Variants in MACROD1 observed in about 807,000 individuals in gnomAD.
MACROD1 encodes the protein ADP-ribose glycohydrolase MACROD1.
A neutral mutation model predicts 41.4 loss-of-function variants in MACROD1; 31 were observed. The ratio of observed to expected loss-of-function variants is 0.75; its 90% CI spans 0.56 to 1.01. MACROD1 has a LOEUF of 1.01. Among genes scored for constraint, MACROD1 ranks in the 50% least tolerant of loss-of-function variants. The probability of loss-of-function intolerance (pLI) is 0.00; values close to 1 mark genes in which losing one functional copy is unlikely to be tolerated. For synonymous variants in MACROD1, 252 were observed against 203.4 expected (o/e 1.24, Z -2.03); for missense variants, 473 against 460.0 (o/e 1.03, Z -0.26).
At position 64,166,019 on chromosome 11, in the gene MACROD1, C is replaced by T; in HGVS notation, c.-25G>A. 8.0e-7 allele frequency: 1 copy of T among 1,255,512 alleles called. No homozygotes were observed. Among genetic ancestry groups the T allele is most frequent in the Non-Finnish European group, 1.0e-6 (1 of 1,003,108 alleles). 77.8% of individuals were successfully genotyped at this position (1,255,512 alleles called of 1,614,324 possible). Reference sequence around the variant, plus strand: ...TGAGCGGGCGGCGCGGGACGGCTCTCCGCCCACTTGGACTCTATTTACGGC... The same window carrying T: ...TGAGCGGGCGGCGCGGGACGGCTCTTCGCCCACTTGGACTCTATTTACGGC... On this transcript the variant is annotated 5_prime_UTR_variant, in exon 1 of 11. Coordinates refer to ENST00000255681, the MANE Select transcript of MACROD1 (RefSeq NM_014067.4).
intron 1 of MACROD1, among the ~76,000 whole-genome samples, chr11:64,164,797 A>G (rs1473208142): frequency 6.6e-6 from 1 of 152,180 alleles, no homozygotes; most frequent in Non-Finnish European, 1.5e-5. Flanking sequence ...GCACTTTTGA[A>G]AGGGGATCCA....
At chr11:64,115,458 G>A (rs912882371) in intron 3 of MACROD1, among the ~76,000 whole-genome samples, 7 of 151,750 alleles carry the variant, frequency 4.6e-5, no homozygotes, top group Non-Finnish European at 1.0e-4. Context: ...CACACAACTC[G>A]GAACCCAGGG....
Position 64,164,247 on chromosome 11 carries a change from G to A in MACROD1, c.298+1450C>T, listed in dbSNP as rs117590764. Reference sequence around the variant, plus strand: ...GCTGCATGATTGGAAATCCCACCTCGAAGCAAAAGGGAGACCCCAGTGACA... The same window carrying A: ...GCTGCATGATTGGAAATCCCACCTCAAAGCAAAAGGGAGACCCCAGTGACA... On this transcript the variant is annotated intron_variant, in intron 1 of 10. Coordinates refer to ENST00000255681, the MANE Select transcript of MACROD1 (RefSeq NM_014067.4). Among the ~76,000 whole-genome samples the A allele has an allele frequency of 5.5e-3, 844 of 152,306 alleles. 4 individuals are homozygous for A. The highest frequency in any genetic ancestry group is 9.5e-3 in the Non-Finnish European group (645 of 68,008).
At chr11:64,020,801 C>A (rs1226241235) in intron 3 of MACROD1, among the ~76,000 whole-genome samples, 1 of 152,148 alleles carries the variant, frequency 6.6e-6, no homozygotes, top group African/African-American at 2.4e-5. Context: ...TCACTGCAAC[C>A]ACTGCCTCCA....
intron 4 of MACROD1, among the ~76,000 whole-genome samples, chr11:64,005,444 C>G (rs944999308): frequency 9.9e-5 from 15 of 152,256 alleles, no homozygotes; most frequent in African/African-American, 3.6e-4. Context: ...GCTCTTGCCC[C>G]TGGCCCCCAC....
intron 3 of MACROD1, among the ~76,000 whole-genome samples, chr11:64,087,419 G>A (rs538145246): frequency 9.8e-5 from 15 of 152,294 alleles, no homozygotes; most frequent in South Asian, 4.1e-4. Flanking sequence ...AGGAGACTCC[G>A]GGGTGCGTCT....
chr11:64,048,757 A>C (rs1943634121), intron 3 of MACROD1, among the ~76,000 whole-genome samples: 1 of 152,146 alleles, frequency 6.6e-6, no homozygotes, highest in Non-Finnish European at 1.5e-5. Flanking sequence ...CAGATCCCAT[A>C]ACTCTAAGGG....
intron 4 of MACROD1, among the ~76,000 whole-genome samples, chr11:64,004,646 CA>C (rs1744546497): frequency 6.6e-6 from 1 of 152,248 alleles, no homozygotes; most frequent in African/African-American, 2.4e-5. Flanking sequence ...GGGGCTGGCC[CA>C]CGCTGTGCCC....
chr11:64,069,881 T>A (rs1272670392), intron 3 of MACROD1, among the ~76,000 whole-genome samples: 1 of 152,028 alleles, frequency 6.6e-6, no homozygotes, highest in Non-Finnish European at 1.5e-5. Context: ...ACGATGAGGA[T>A]TTATCTTGGG....
intron 3 of MACROD1, among the ~76,000 whole-genome samples, chr11:64,112,584 T>C (rs538691702): frequency 7.5e-4 from 114 of 152,224 alleles, no homozygotes; most frequent in African/African-American, 2.6e-3. Flanking sequence ...GTAAATACTA[T>C]AGGCAAGCAA....
intron 4 of MACROD1, among the ~76,000 whole-genome samples, chr11:64,012,986 T>C (rs1943035390): frequency 6.6e-6 from 1 of 151,502 alleles, no homozygotes. Context: ...GCACACATGC[T>C]AGCATGGTTA....
chr11:64,166,085 G>A lies in MACROD1; in HGVS notation c.-91C>T, dbSNP rs1474029382. ...TCCCTTATTTACTCTGGGACCGGGTGGCGACTGCCAGCCAGCGGCGACCTG... is the reference window on the plus strand; with the variant it reads ...TCCCTTATTTACTCTGGGACCGGGTAGCGACTGCCAGCCAGCGGCGACCTG... On this transcript the variant is annotated 5_prime_UTR_variant, in exon 1 of 11. Coordinates refer to ENST00000255681, the MANE Select transcript of MACROD1 (RefSeq NM_014067.4). 3.3e-6 allele frequency: 4 copies of A among 1,218,296 alleles called. No individual in the cohort carries two copies. Among genetic ancestry groups the A allele is most frequent in the Non-Finnish European group, 3.1e-6 (3 of 976,802 alleles). The allele number at this position is 1,218,296 out of a possible 1,614,324, so 75.5% of individuals were successfully genotyped here. A position where few individuals can be genotyped will look rare whatever the true frequency, so the allele number is the denominator to read the frequency against.
intron 3 of MACROD1, among the ~76,000 whole-genome samples, chr11:64,070,769 G>A (rs569247859): frequency 1.2e-4 from 18 of 152,340 alleles, no homozygotes; most frequent in African/African-American, 4.3e-4. Flanking sequence ...TTATTTGTTC[G>A]TGGAATGAAA....
chr11:64,017,617 C>T (rs1316305450), intron 3 of MACROD1, among the ~76,000 whole-genome samples: 1 of 152,160 alleles, frequency 6.6e-6, no homozygotes, highest in African/African-American at 2.4e-5. Flanking sequence ...ACCCACTCCC[C>T]ACCCCAGCAG....
At chr11:64,078,794 G>A (rs921396350) in intron 3 of MACROD1, among the ~76,000 whole-genome samples, 5 of 152,022 alleles carry the variant, frequency 3.3e-5, no homozygotes, top group African/African-American at 1.2e-4. Flanking sequence ...CAGGGGGGGA[G>A]GCCTCTCTGA....
chr11:64,029,813 A>C (rs926499758), intron 3 of MACROD1, among the ~76,000 whole-genome samples: 1 of 152,160 alleles, frequency 6.6e-6, no homozygotes, highest in Non-Finnish European at 1.5e-5. Context: ...AGCTGGAGTA[A>C]AGGAAGGTCT....
intron 3 of MACROD1, among the ~76,000 whole-genome samples, chr11:64,050,174 C>T (rs1230309367): frequency 3.3e-5 from 5 of 152,114 alleles, no homozygotes; most frequent in African/African-American, 1.2e-4. Context: ...CCCACCTCTC[C>T]CTCCACCCAT....
intron 3 of MACROD1, chr11:64,138,392 G>A (rs1945360975): frequency 1.8e-6 from 1 of 557,474 alleles, no homozygotes; most frequent in Non-Finnish European, 2.3e-6. Flanking sequence ...TAGCTCCTTT[G>A]ACAATTGAAG....
chr11:64,005,542 C>T (rs1942896208), intron 4 of MACROD1, among the ~76,000 whole-genome samples: 1 of 152,246 alleles, frequency 6.6e-6, no homozygotes, highest in Admixed American at 6.5e-5. Flanking sequence ...GGGGCCTGGG[C>T]TGGCTGGGTG....
Sources: allele counts gnomAD v4.1 joint callset (sites outside exome capture counted in the v4.1 genomes callset), GRCh38; gene constraint gnomAD v4.1.1; transcripts MANE v1.5; gene names NCBI Gene and HGNC (gene_info 2026-07-23, HGNC 2026-07-21).